Variants in RNMT observed in about 807,000 individuals in gnomAD.
RNMT encodes the protein mRNA cap guanine-N(7) methyltransferase.
In RNMT, 27 loss-of-function variants were observed where a neutral mutation model predicts 56.0. The observed-to-expected ratio is 0.48, with a 90% CI of 0.36 to 0.67. The LOEUF is 0.67. Ranked by LOEUF, RNMT falls within the 30% of genes least tolerant of loss-of-function variation. The pLI is 0.00. For missense variants in RNMT, 519 were observed against 552.1 expected, an observed-to-expected ratio of 0.94 and a Z score of 0.60; for synonymous variants, 184 against 176.2, an observed-to-expected ratio of 1.04 and a Z score of -0.35.
intron 11 of RNMT, among the ~76,000 whole-genome samples, chr18:13,756,479 A>G (rs749920135): frequency 2.0e-5 from 3 of 152,140 alleles, no homozygotes; most frequent in Non-Finnish European, 4.4e-5. Flanking sequence ...AGTGGGGGAC[A>G]GCATGAGTGA....
intron 9 of RNMT, among the ~76,000 whole-genome samples, chr18:13,746,559 T>G: frequency 6.6e-6 from 1 of 152,258 alleles, no homozygotes; most frequent in East Asian, 1.9e-4. Flanking sequence ...AGGATAGTAC[T>G]GCTTTAAAAT....
chr18:13,751,342 A>T (rs1038282114), intron 9 of RNMT, among the ~76,000 whole-genome samples: 1 of 152,262 alleles, frequency 6.6e-6, no homozygotes, highest in African/African-American at 2.4e-5. Context: ...CACGACATTT[A>T]TGCAGCCAAC....
At chr18:13,728,317 TTTTTTTTTTTTTTTG>T (rs1258503708) in intron 1 of RNMT, among the ~76,000 whole-genome samples, 12 of 13,956 alleles carry the variant, frequency 8.6e-4, no homozygotes, top group Admixed American at 4.7e-3. Context: ...TTTTTTTTTT[TTTTTTTTTTTTTTTG>T]TGTGTGTGTG....
Position 13,742,497 on chromosome 18 carries a change from T to G in RNMT, c.984T>G (p.Leu328=). Residue 328 remains leucine, a synonymous_variant, in exon 8 of 12, where the codon CTT becomes CTG. Transcript: ENST00000383314. Reference sequence around the variant, plus strand: ...GGGATAACCTTGATAGAAGACGCCTTGAAGCTTCAGAAACAGAATCATTTG... The same window carrying G: ...GGGATAACCTTGATAGAAGACGCCTGGAAGCTTCAGAAACAGAATCATTTG... ...TPNSFELIRR[L]EASETESFGN... The G allele has an allele frequency of 6.2e-7, 1 of 1,612,438 alleles. No individual in the cohort carries two copies. Among genetic ancestry groups the G allele is most frequent in the Non-Finnish European group, 8.5e-7 (1 of 1,179,528 alleles).
At chr18:13,752,504 T>C in intron 10 of RNMT, 77 bp downstream of exon 10, 1 of 893,352 alleles carries the variant, frequency 1.1e-6, no homozygotes, top group Non-Finnish European at 1.8e-6. Context: ...AGGAAATGAT[T>C]TCACTTGTTT....
intron 8 of RNMT, chr18:13,743,007 G>A (rs2044277863): frequency 6.1e-6 from 1 of 163,904 alleles, no homozygotes; most frequent in Non-Finnish European, 1.3e-5. Flanking sequence ...TGGTAACTTT[G>A]ATGATAAACA....
Position 13,761,846 on chromosome 18 carries a change from C to T in RNMT, c.*1867C>T. 1.7e-6 allele frequency: 2 copies of T among 1,171,444 alleles called. No individual in the cohort carries two copies. Among genetic ancestry groups the T allele is most frequent in the South Asian group, 2.1e-5 (1 of 48,304 alleles). The allele number at this position is 1,171,444 out of a possible 1,614,324, so 72.6% of individuals were successfully genotyped here. A position where few individuals can be genotyped will look rare whatever the true frequency, so the allele number is the denominator to read the frequency against. ...AGTTCTTCCTCCACCACCCTACACC[C>T]CCCTCCCCCCGGCCCCAAGCCCCTG... On this transcript the variant is annotated 3_prime_UTR_variant, in exon 12 of 12. Transcript: ENST00000383314.
At position 13,746,253 on chromosome 18, in the gene RNMT, C is replaced by T. The variant is rs1264610892; in HGVS notation, c.1173C>T (p.Tyr391=). 1.9e-6 allele frequency: 3 copies of T among 1,559,384 alleles called. No homozygotes were observed. Among genetic ancestry groups the T allele is most frequent in the African/African-American group, 2.8e-5 (2 of 72,498 alleles). Residue 391 remains tyrosine, a synonymous_variant, in exon 9 of 12, where the codon TAC becomes TAT. Transcript: ENST00000383314. ...AGAAGTACAATATGAAACTAGTCTA[C>T]AAAAAAACATTTCTGGAATTCTACG... ...MAKKYNMKLV[Y]KKTFLEFYEE...
rs201093998 is a variant in RNMT, at chr18:13,744,159, CTTTTTTTTTTT to C, written c.1139+1523_1139+1533del. ...ATGCTAAACAAGACCTAGCGGTCTT[CTTTTTTTTTTT>C]TTTTTTTTTTTTTTTGACTTAAATT... On this transcript the variant is annotated intron_variant, in intron 8 of 11. Coordinates refer to ENST00000383314, the MANE Select transcript of RNMT (RefSeq NM_003799.3). 2.0e-4 allele frequency among the ~76,000 whole-genome samples: 18 copies of C among 91,426 alleles called. 1 individual carries two copies. The highest frequency in any genetic ancestry group is 5.8e-4 in the African/African-American group (11 of 18,914). The allele number at this position is 91,426 out of a possible 152,430, so 60.0% of individuals were successfully genotyped here.
In RNMT at chr18:13,762,139, T is replaced by TGC. The variant is rs2044628672; in HGVS notation, c.*2161_*2162dup. ...CAGTGAAGTGGGGCACTCCCAGACC[T>TGC]GCCATGCAGTTTATCCTCTGAGAAT... On this transcript the variant is annotated 3_prime_UTR_variant, in exon 12 of 12. Transcript: ENST00000383314. 6.5e-7 allele frequency: 1 copy of TGC among 1,534,882 alleles called. No individual in the cohort carries two copies. The highest frequency in any genetic ancestry group is 8.7e-7 in the Non-Finnish European group (1 of 1,146,368).
At chr18:13,750,742 A>G (rs9964959) in intron 9 of RNMT, among the ~76,000 whole-genome samples, 49,233 of 151,838 alleles carry the variant, frequency 0.32, 9,842 homozygotes, top group East Asian at 0.83. Flanking sequence ...CCAAGGTTGC[A>G]GTGAATGGAG....
At position 13,729,145 on chromosome 18, in the gene RNMT, A is replaced by G. The variant is rs546744207; in HGVS notation, c.-171-1482A>G. 3.9e-5 allele frequency among the ~76,000 whole-genome samples: 6 copies of G among 152,306 alleles called. No individual in the cohort carries two copies. In the South Asian group the frequency reaches 1.2e-3, roughly 32 times the overall value. On this transcript the variant is annotated intron_variant, in intron 1 of 11. Coordinates refer to ENST00000383314, the MANE Select transcript of RNMT (RefSeq NM_003799.3). ...CAGTCCATTTTGATTTGATTTTTGC[A>G]TATGGTGAGAGAGAGTGGTCTAGAT... is the stretch of plus-strand genomic sequence containing the variant.
intron 9 of RNMT, among the ~76,000 whole-genome samples, 169 bp downstream of exon 9, chr18:13,746,506 TTGA>T (rs1324179342): frequency 6.6e-6 from 1 of 152,220 alleles, no homozygotes; most frequent in Non-Finnish European, 1.5e-5. Flanking sequence ...CAGTAAATAC[TTGA>T]TGAAAGAATG....
At chr18:13,742,016 G>A (rs952967076) in intron 7 of RNMT, among the ~76,000 whole-genome samples, 1 of 152,186 alleles carries the variant, frequency 6.6e-6, no homozygotes, top group Non-Finnish European at 1.5e-5. Context: ...GTGACTGTTG[G>A]TGATCTTTTA....
intron 1 of RNMT, among the ~76,000 whole-genome samples, chr18:13,729,482 A>G (rs888181858): frequency 6.6e-6 from 1 of 152,242 alleles, no homozygotes; most frequent in African/African-American, 2.4e-5. Flanking sequence ...TAGGAAATCA[A>G]TGGCAGAGGA....
rs1598432599 is a variant in RNMT at position 13,761,185 on chromosome 18, A to G, written c.*1206A>G. 8 of 985,462 alleles carry G rather than the reference A, an allele frequency of 8.1e-6. No individual in the cohort carries two copies. Among genetic ancestry groups the G allele is most frequent in the Non-Finnish European group, 9.6e-6 (8 of 829,940 alleles). The allele number at this position is 985,462 out of a possible 1,614,324, so 61.0% of individuals were successfully genotyped here. ...AACTGTTCATGGTGTTAGAGTTGCA[A>G]ACTTTTTAGCAAGAAAATATGGATT... On this transcript the variant is annotated 3_prime_UTR_variant, in exon 12 of 12. Transcript: ENST00000383314.
chr18:13,739,982 G>A (rs1240062627), intron 5 of RNMT, among the ~76,000 whole-genome samples, 185 bp from the exon 6 acceptor site: 1 of 151,908 alleles, frequency 6.6e-6, no homozygotes, highest in African/African-American at 2.4e-5. Flanking sequence ...GACGCTTTTA[G>A]TTCCTCTTGA....
chr18:13,754,892 G>C (rs2044517577), intron 11 of RNMT, among the ~76,000 whole-genome samples: 1 of 152,160 alleles, frequency 6.6e-6, no homozygotes, highest in Admixed American at 6.6e-5. Context: ...TGCATGATAG[G>C]GGACAAATGT....
chr18:13,755,009 C>T (rs1360491405), intron 11 of RNMT, among the ~76,000 whole-genome samples: 1 of 152,174 alleles, frequency 6.6e-6, no homozygotes, highest in Non-Finnish European at 1.5e-5. Flanking sequence ...TTGAGGAAGT[C>T]AGGTTGCAGA....
Sources: allele counts gnomAD v4.1 joint callset (sites outside exome capture counted in the v4.1 genomes callset), GRCh38; gene constraint gnomAD v4.1.1; transcripts MANE v1.5; gene names NCBI Gene and HGNC (gene_info 2026-07-23, HGNC 2026-07-21).